Variants in DGKQ observed in about 807,000 individuals in gnomAD.
The protein encoded by DGKQ is diacylglycerol kinase theta, also known as DAG kinase theta.
DGKQ carries 97 observed loss-of-function variants against 104.2 expected under a neutral mutation model. The ratio of observed to expected loss-of-function variants is 0.93; its 90% CI spans 0.79 to 1.10. The LOEUF (loss-of-function observed/expected upper bound fraction) is 1.10, where lower values mean the gene tolerates loss of function less well. Among genes scored for constraint, DGKQ ranks in the 50% least tolerant of loss-of-function variants. The pLI, the probability that DGKQ is intolerant of heterozygous loss-of-function variation, is 0.00. For synonymous variants in DGKQ, 736 were observed against 595.2 expected, an observed-to-expected ratio of 1.24 and a Z score of -3.44; for missense variants, 1,465 against 1,352.1, an observed-to-expected ratio of 1.08 and a Z score of -1.31.
chr4:966,758 G>A lies in DGKQ; in HGVS notation c.1356C>T (p.Gly452=). The part of the protein sequence containing the change: ...ESFQLVEVAM[G]CRHVQRTMLM... ...GGGCTGTCTACTCACCGTGCCTGCA[G>A]CCCATCGCCACCTCCACCAGCTGGA... Residue 452 remains glycine, a synonymous_variant, in exon 11 of 23, where the codon GGC becomes GGT. Transcript: ENST00000273814. The A allele has an allele frequency of 1.2e-6, 2 of 1,608,956 alleles. No individual in the cohort carries two copies. The highest frequency in any genetic ancestry group is 1.1e-5 in the South Asian group (1 of 90,176).
chr4:968,178 G>A (rs1404934183), intron 5 of DGKQ, 104 bp downstream of exon 5: 1 of 629,024 alleles, frequency 1.6e-6, no homozygotes, highest in Non-Finnish European at 2.4e-6. Flanking sequence ...CCTGGAACCC[G>A]CGCCTCTCCT....
Position 971,195 on chromosome 4 carries a change from T to C in DGKQ, c.272-123A>G. On this transcript the variant is annotated intron_variant, in intron 1 of 22. Coordinates refer to ENST00000273814, the MANE Select transcript of DGKQ (RefSeq NM_001347.4). The surrounding 1 kb of genome is among the most constrained non-coding windows in gnomAD (Gnocchi z 4.0). ...CCATGCTGCACCAGGGGCCCTGTGG[T>C]CCTCGAGTTCCCCCACCACCCTGCC... 1.5e-6 allele frequency: 1 copy of C among 680,838 alleles called. No homozygotes were observed. The highest frequency in any genetic ancestry group is 2.5e-6 in the Non-Finnish European group (1 of 393,724). 42.2% of individuals were successfully genotyped at this position (680,838 alleles called of 1,614,324 possible).
At chr4:961,917 G>A (rs904728754) in intron 19 of DGKQ, 65 bp downstream of exon 19, 178 of 1,608,688 alleles carry the variant, frequency 1.1e-4, no homozygotes, top group Non-Finnish European at 1.7e-5. Context: ...CCCTCTGCCT[G>A]TTCCTGCTGG....
In DGKQ at chr4:963,257, G is replaced by A. The variant is rs750730091; in HGVS notation, c.1768C>T (p.Leu590Phe). The A allele has an allele frequency of 1.5e-5, 24 of 1,609,772 alleles. No individual in the cohort carries two copies. Among genetic ancestry groups the A allele is most frequent in the African/African-American group, 4.0e-5 (3 of 74,914 alleles). Residue 590 changes from leucine (L) to phenylalanine (F), a missense_variant, in exon 16 of 23, where the codon CTT (leucine) becomes TTT (phenylalanine). Leu to Phe is a conservative substitution (Grantham distance 22). Coordinates refer to ENST00000273814, the MANE Select transcript of DGKQ (RefSeq NM_001347.4). ...CCACTCTTGGGGTTCACGAACACAA[G>A]GAGGGGACAGCTGTCTGGGGGCAGC... ...AKLPPDSCPL[L>F]VFVNPKSGGL...
Position 967,125 on chromosome 4 carries a change from T to A in DGKQ, c.1220+4A>T. The stretch of plus-strand genomic sequence containing the variant: ...CAGACCCTGAGCCTCGGGCCCAGTC[T>A]CACTTGAGCCAGCCAGGGTAGATCT... On this transcript the variant is annotated splice_donor_region_variant and intron_variant, in intron 9 of 22. Coordinates refer to ENST00000273814, the MANE Select transcript of DGKQ (RefSeq NM_001347.4). The A allele has an allele frequency of 6.3e-7, 1 of 1,577,030 alleles. No individual in the cohort carries two copies. The highest frequency in any genetic ancestry group is 8.6e-7 in the Non-Finnish European group (1 of 1,159,844).
chr4:964,465 C>T (rs1712137534), intron 15 of DGKQ, among the ~76,000 whole-genome samples: 1 of 151,734 alleles, frequency 6.6e-6, no homozygotes, highest in South Asian at 2.1e-4. Context: ...GTCCCAGGCT[C>T]CAGCCCCTCC....
Position 968,344 on chromosome 4 carries a change from T to G in DGKQ, c.601A>C (p.Arg201=). The change falls in exon 5 of 23, where the codon AGG becomes CGG. Residue 201 remains arginine (R), a synonymous_variant. Transcript: ENST00000273814. ...ACGTCAGAGGAGCCGCACGTCTTCCTGCAGACCTCGCAGCGCGCTCCCGAG... is the reference window on the plus strand; with the variant it reads ...ACGTCAGAGGAGCCGCACGTCTTCCGGCAGACCTCGCAGCGCGCTCCCGAG... ...LPSGARCEVC[R]KTCGSSDVLA... is the part of the protein sequence containing the mutation. 7.5e-7 allele frequency: 1 copy of G among 1,331,264 alleles called. No individual in the cohort carries two copies. Among genetic ancestry groups the G allele is most frequent in the Non-Finnish European group, 9.8e-7 (1 of 1,021,870 alleles). 82.5% of individuals were successfully genotyped at this position (1,331,264 alleles called of 1,614,324 possible).
intron 17 of DGKQ, 29 bp downstream of exon 17, chr4:962,743 C>A: frequency 6.3e-7 from 1 of 1,598,804 alleles, no homozygotes; most frequent in Non-Finnish European, 8.5e-7. Flanking sequence ...ACCCTGAGGC[C>A]CCCTCCTCGG....
Position 970,744 on chromosome 4 carries a change from C to T in DGKQ, c.351+249G>A, listed in dbSNP as rs563978740. 5.9e-5 allele frequency among the ~76,000 whole-genome samples: 9 copies of T among 152,172 alleles called. No homozygotes were observed. The South Asian group carries it at 1.2e-3, about 21-fold the overall frequency. ...TCTACATCTGTGCTCCCTTTAGTTT[C>T]GTCATTTTGAGCACATTCTATGGAC... On this transcript the variant is annotated intron_variant, in intron 2 of 22. Transcript: ENST00000273814.
In DGKQ at chr4:961,694, A is replaced by T. The variant is rs777094249; in HGVS notation, c.2456T>A (p.Ile819Asn). 1.2e-6 allele frequency: 2 copies of T among 1,612,462 alleles called. No homozygotes were observed. The highest frequency in any genetic ancestry group is 1.1e-5 in the South Asian group (1 of 91,088). The part of the protein sequence containing the change: ...PSIEGLIFIN[I>N]PSWGSGADLW... Reference sequence around the variant, plus strand: ...GAGCCCCGCCCGCGAGCACCTGGGGATGTTGATGAAGATGAGGCCTTCAAT... The same window carrying T: ...GAGCCCCGCCCGCGAGCACCTGGGGTTGTTGATGAAGATGAGGCCTTCAAT... Residue 819 changes from isoleucine to asparagine, a missense_variant, in exon 20 of 23, where the codon ATC (isoleucine) becomes AAC (asparagine). Transcript: ENST00000273814.
Position 967,668 on chromosome 4 carries a change from G to A in DGKQ, c.887-19C>T. 2 of 1,612,512 alleles carry A rather than the reference G, an allele frequency of 1.2e-6. No individual in the cohort carries two copies. The highest frequency in any genetic ancestry group is 2.2e-5 in the East Asian group (1 of 44,858). On this transcript the variant is annotated intron_variant, in intron 7 of 22. Coordinates refer to ENST00000273814, the MANE Select transcript of DGKQ (RefSeq NM_001347.4). The stretch of plus-strand genomic sequence containing the variant: ...TGCTTCCCTGGGCCGGGTAAGCTCC[G>A]TGAGTCCCGGGCGCCCGGGGGACCT...
chr4:967,425 G>T, intron 8 of DGKQ, 64 bp from the exon 9 acceptor site: 5 of 1,306,396 alleles, frequency 3.8e-6, no homozygotes, highest in Non-Finnish European at 5.3e-6. Flanking sequence ...GTGGGGGGCA[G>T]GTCATGGAGG....
rs903889439 is a variant in DGKQ at position 971,168 on chromosome 4, C to T, written c.272-96G>A. ...GCCCCAGGGCAATGACTGCCATACC[C>T]ACCATGCTGCACCAGGGGCCCTGTG... On this transcript the variant is annotated intron_variant, in intron 1 of 22. Transcript: ENST00000273814. This position sits in a 1 kb window ranked among gnomAD's most constrained non-coding sequence, Gnocchi z 4.0. 8 of 831,184 alleles carry T rather than the reference C, an allele frequency of 9.6e-6. No homozygotes were observed. Among genetic ancestry groups the T allele is most frequent in the African/African-American group, 3.4e-5 (2 of 59,540 alleles). The allele number at this position is 831,184 out of a possible 1,614,324, so 51.5% of individuals were successfully genotyped here. A position where few individuals can be genotyped will look rare whatever the true frequency, so the allele number is the denominator to read the frequency against.
At chr4:961,010 G>C in intron 22 of DGKQ, 39 bp downstream of exon 22, 5 of 1,605,810 alleles carry the variant, frequency 3.1e-6, no homozygotes, top group Non-Finnish European at 4.2e-6. Context: ...GGCCCAGCCC[G>C]GCCCACCTCC....
intron 11 of DGKQ, 77 bp from the exon 12 acceptor site, chr4:966,604 G>A: frequency 6.5e-7 from 1 of 1,536,438 alleles, no homozygotes; most frequent in Non-Finnish European, 8.9e-7. Flanking sequence ...AGCCCCCAGG[G>A]CCCGTGGGGA....
chr4:964,447 A>C (rs1398026654), intron 15 of DGKQ, among the ~76,000 whole-genome samples: 1 of 152,150 alleles, frequency 6.6e-6, no homozygotes, highest in African/African-American at 2.4e-5. Flanking sequence ...CACGGTGTGC[A>C]GCGTGGAGTC....
chr4:967,047 C>T lies in DGKQ; in HGVS notation c.1228G>A (p.Val410Met), dbSNP rs762561319. ...GTCACTCGCACGGACACGTAGGCCA[C>T]GCCCACCCTGTGGGGACACAGTCTG... ...KIYPGWLKVG[V>M]AYVSVRVTPK... Residue 410 changes from valine (V) to methionine (M), a missense_variant, in exon 10 of 23, where the codon GTG (valine) becomes ATG (methionine). By Grantham distance (21) the Val-to-Met change is conservative. Coordinates refer to ENST00000273814, the MANE Select transcript of DGKQ (RefSeq NM_001347.4). 6 of 1,555,988 alleles carry T rather than the reference C, an allele frequency of 3.9e-6. No individual in the cohort carries two copies. The highest frequency in any genetic ancestry group is 5.2e-6 in the Non-Finnish European group (6 of 1,150,762).
At chr4:967,513 G>A (rs1253466884) in intron 8 of DGKQ, 36 bp downstream of exon 8, 3 of 1,597,608 alleles carry the variant, frequency 1.9e-6, no homozygotes, top group South Asian at 2.2e-5. Flanking sequence ...TGCGGTCCTG[G>A]GAGGGGGCTC....
chr4:973,324 C>T lies in DGKQ; in HGVS notation c.159G>A (p.Pro53=), dbSNP rs1192320577. Residue 53 remains proline (P), a synonymous_variant, in exon 1 of 23, where the codon CCG becomes CCA. Coordinates refer to ENST00000273814, the MANE Select transcript of DGKQ (RefSeq NM_001347.4). The part of the protein sequence containing the change: ...PGPERAGVRA[P]GPAAAPGHSF... ...TGTGTCCCGGCGCGGCAGCGGGGCC[C>T]GGGGCTCTGACGCCCGCCCGCTCGG... is the stretch of plus-strand genomic sequence containing the variant. 2.1e-6 allele frequency: 3 copies of T among 1,445,190 alleles called. No homozygotes were observed. Among genetic ancestry groups the T allele is most frequent in the African/African-American group, 3.0e-5 (2 of 67,312 alleles). The allele number at this position is 1,445,190 out of a possible 1,614,324, so 89.5% of individuals were successfully genotyped here. A position where few individuals can be genotyped will look rare whatever the true frequency, so the allele number is the denominator to read the frequency against.
Sources: allele counts gnomAD v4.1 joint callset (sites outside exome capture counted in the v4.1 genomes callset), GRCh38; gene constraint gnomAD v4.1.1; non-coding constraint Gnocchi (gnomAD v3.1); transcripts MANE v1.5; gene names NCBI Gene and HGNC (gene_info 2026-07-23, HGNC 2026-07-21).